The following PCLO variants were observed in gnomAD, a reference collection of about 807,000 sequenced individuals.
The protein encoded by PCLO is protein piccolo.
A neutral mutation model predicts 427.5 loss-of-function variants in PCLO; 82 were observed. That is an observed-to-expected ratio of 0.19 (90% CI 0.16 to 0.23). The LOEUF is 0.23. Ranked by LOEUF, PCLO falls within the 10% of genes least tolerant of loss-of-function variation. The pLI is 1.00. For synonymous variants in PCLO, 2,357 were observed against 2,155.4 expected (o/e 1.09, Z -2.59); for missense variants, 6,239 against 6,115.9 (o/e 1.02, Z -0.67).
At chr7:82,943,929 G>A (rs533919173) in intron 6 of PCLO, among the ~76,000 whole-genome samples, 4 of 151,810 alleles carry the variant, frequency 2.6e-5, no homozygotes, top group African/African-American at 7.2e-5. Context: ...AGGCCGAGGC[G>A]GGTGGATCAC....
intron 3 of PCLO, among the ~76,000 whole-genome samples, chr7:83,010,309 G>A (rs1288568409): frequency 2.0e-5 from 3 of 151,508 alleles, no homozygotes; most frequent in Admixed American, 6.6e-5. Context: ...TCAACTCATC[G>A]TACCCCAAGC....
At chr7:83,031,304 G>A (rs577995319) in intron 3 of PCLO, among the ~76,000 whole-genome samples, 6 of 152,100 alleles carry the variant, frequency 3.9e-5, no homozygotes, top group East Asian at 1.9e-4. Context: ...AATAGGCAAC[G>A]GTACTTTTCC....
chr7:82,863,219 A>G (rs1027233493), intron 10 of PCLO, among the ~76,000 whole-genome samples: 1 of 152,002 alleles, frequency 6.6e-6, no homozygotes, highest in Non-Finnish European at 1.5e-5. Flanking sequence ...ATTATTATGA[A>G]TGATATAATC....
intron 2 of PCLO, among the ~76,000 whole-genome samples, chr7:83,150,480 G>T: frequency 6.6e-6 from 1 of 152,310 alleles, no homozygotes; most frequent in African/African-American, 2.4e-5. Flanking sequence ...TCACATAGAT[G>T]TTTGGGTTGC....
rs1795131067 is a variant in PCLO, at chr7:82,943,496, C to T, written c.11112+5980G>A. Among the ~76,000 whole-genome samples, 3 of 151,336 alleles carry T rather than the reference C, an allele frequency of 2.0e-5. No individual in the cohort carries two copies. The South Asian group carries it at 6.2e-4, about 31-fold the overall frequency. ...AAAAATCACTAAGAAAACTCTTATA[C>T]TTTAAGATACATAAATCTTGAAATA... is the stretch of plus-strand genomic sequence containing the variant. On this transcript the variant is annotated intron_variant, in intron 6 of 24. Transcript: ENST00000333891.
intron 3 of PCLO, among the ~76,000 whole-genome samples, chr7:83,103,030 T>C (rs376766992): frequency 1.2e-4 from 11 of 89,974 alleles, no homozygotes; most frequent in East Asian, 5.4e-4. Context: ...AGCTGATCAC[T>C]ATAATATTGA....
intron 3 of PCLO, among the ~76,000 whole-genome samples, chr7:83,029,227 T>C (rs1264822778): frequency 7.1e-6 from 1 of 140,792 alleles, no homozygotes; most frequent in Non-Finnish European, 1.5e-5. Context: ...AGGGCTAATA[T>C]CCAGAATCTA....
At chr7:83,149,530 T>C (rs1792077820) in intron 2 of PCLO, among the ~76,000 whole-genome samples, 1 of 152,072 alleles carries the variant, frequency 6.6e-6, no homozygotes, top group Non-Finnish European at 1.5e-5. Flanking sequence ...AGTTTTTGCT[T>C]AGAATTTAAG....
At chr7:83,043,128 T>C (rs574880401) in intron 3 of PCLO, among the ~76,000 whole-genome samples, 2 of 152,248 alleles carry the variant, frequency 1.3e-5, no homozygotes, top group East Asian at 3.9e-4. Context: ...CCTTTCCCCA[T>C]TGTGACAATC....
chr7:82,814,841 A>T (rs1459650602), intron 20 of PCLO, among the ~76,000 whole-genome samples: 1 of 151,998 alleles, frequency 6.6e-6, no homozygotes, highest in Non-Finnish European at 1.5e-5. Flanking sequence ...TTTCTGGGAC[A>T]TCCCCCGCCC....
intron 21 of PCLO, among the ~76,000 whole-genome samples, chr7:82,805,194 T>A (rs1791433269): frequency 6.6e-6 from 1 of 152,128 alleles, no homozygotes; most frequent in African/African-American, 2.4e-5. Context: ...ATGGAAACAC[T>A]TCGAAACCTT....
chr7:82,886,434 A>G (rs907340807), intron 9 of PCLO, among the ~76,000 whole-genome samples: 1 of 147,538 alleles, frequency 6.8e-6, no homozygotes, highest in African/African-American at 2.4e-5. Flanking sequence ...ATCTATATAG[A>G]ACAAAGTGCC....
intron 3 of PCLO, among the ~76,000 whole-genome samples, chr7:83,121,538 C>A (rs1791279744): frequency 6.6e-6 from 1 of 151,968 alleles, no homozygotes; most frequent in Admixed American, 6.6e-5. Flanking sequence ...AATTATAACA[C>A]TGAATGTAAA....
chr7:82,989,632 A>G (rs1030139269), intron 3 of PCLO, among the ~76,000 whole-genome samples: 5 of 152,158 alleles, frequency 3.3e-5, no homozygotes, highest in Admixed American at 2.6e-4. Context: ...TCATAATATG[A>G]TCTTACATCT....
intron 3 of PCLO, among the ~76,000 whole-genome samples, chr7:82,998,093 C>T (rs1268905410): frequency 6.6e-6 from 1 of 151,928 alleles, no homozygotes; most frequent in Non-Finnish European, 1.5e-5. Flanking sequence ...CTTACCAGTG[C>T]AGAAACTCAG....
chr7:82,915,927 C>T lies in PCLO; in HGVS notation c.12059G>A (p.Ser4020Asn). 3 of 1,613,286 alleles carry T rather than the reference C, an allele frequency of 1.9e-6. No individual in the cohort carries two copies. The highest frequency in any genetic ancestry group is 2.2e-5 in the South Asian group (2 of 91,086). Residue 4020 changes from serine to asparagine, a missense_variant, in exon 7 of 25, where the codon AGC becomes AAC. Ser to Asn is a conservative substitution (Grantham distance 46). Around this residue, in one of 5 missense-constraint regions of PCLO, gnomAD observed 680 missense variants for 677.3 expected, o/e 1.00. Transcript: ENST00000333891. Reference protein sequence around the residue: ...DLRIGLEERSSMASSPISSIS... With the variant: ...DLRIGLEERSNMASSPISSIS... ...GCTTGATATTGGACTGCTTGCCATG[C>T]TACTTCTTTCCTCCAAACCTATTCT...
chr7:82,782,873 A>G (rs1253349349), intron 22 of PCLO, among the ~76,000 whole-genome samples: 1 of 152,174 alleles, frequency 6.6e-6, no homozygotes, highest in African/African-American at 2.4e-5. Flanking sequence ...TTTCACCACT[A>G]TCTCAAGAAC....
rs1358317114 is a variant in PCLO at position 82,999,772 on chromosome 7, TATA to T, written c.3301-33288_3301-33286del. 6.7e-5 allele frequency among the ~76,000 whole-genome samples: 8 copies of T among 119,686 alleles called. 4 individuals are homozygous for T. Among genetic ancestry groups the T allele is most frequent in the East Asian group, 4.5e-4 (2 of 4,488 alleles). 78.5% of individuals were successfully genotyped at this position (119,686 alleles called of 152,430 possible). A position where few individuals can be genotyped will look rare whatever the true frequency, so the allele number is the denominator to read the frequency against. The stretch of plus-strand genomic sequence containing the variant: ...ATAATATTATATATAAAATATAATA[TATA>T]ATATTATATATAAAATATAATATAT... On this transcript the variant is annotated intron_variant, in intron 3 of 24. Transcript: ENST00000333891.
At chr7:82,897,312 C>T (rs1230323868) in intron 9 of PCLO, among the ~76,000 whole-genome samples, 2 of 151,456 alleles carry the variant, frequency 1.3e-5, no homozygotes, top group Admixed American at 1.3e-4. Flanking sequence ...ACCTTCAAAA[C>T]CATTGTACAG....
Sources: allele counts gnomAD v4.1 joint callset (sites outside exome capture counted in the v4.1 genomes callset), GRCh38; gene constraint gnomAD v4.1.1; regional missense constraint gnomAD v4.1.1; transcripts MANE v1.5; gene names NCBI Gene and HGNC (gene_info 2026-07-23, HGNC 2026-07-21).